Variants in SH3BP5 observed in about 807,000 individuals in gnomAD.
SH3BP5 encodes SH3 domain binding protein 5, also known as SH3 domain-binding protein 5.
A neutral mutation model predicts 43.3 loss-of-function variants in SH3BP5; 22 were observed. The observed-to-expected ratio is 0.51, with a 90% confidence interval of 0.36 to 0.73. The LOEUF (loss-of-function observed/expected upper bound fraction) is 0.73, where lower values mean the gene tolerates loss of function less well. Ranked by LOEUF, SH3BP5 falls within the 30% of genes least tolerant of loss-of-function variation. The probability of loss-of-function intolerance (pLI) is 0.00; values close to 1 mark genes in which losing one functional copy is unlikely to be tolerated. For synonymous variants in SH3BP5, 255 were observed against 225.8 expected (o/e 1.13, Z -1.16); for missense variants, 529 against 586.9 (o/e 0.90, Z 1.02).
Position 15,273,620 on chromosome 3 carries a change from T to C in SH3BP5, c.331-3743A>G, listed in dbSNP as rs193156527. 2.8e-3 allele frequency among the ~76,000 whole-genome samples: 430 copies of C among 152,342 alleles called. 4 individuals are homozygous for C. Among genetic ancestry groups the C allele is most frequent in the African/African-American group, 9.9e-3 (410 of 41,580 alleles). On this transcript the variant is annotated intron_variant, in intron 3 of 8. Transcript: ENST00000383791. ...CCAGATGCCATCTCTCCATAATTCA[T>C]GCACTTACCGGTTCATTCACTCAAG...
chr3:15,284,865 A>T (rs1458346435), intron 3 of SH3BP5, among the ~76,000 whole-genome samples: 2 of 152,232 alleles, frequency 1.3e-5, no homozygotes, highest in Non-Finnish European at 2.9e-5. Flanking sequence ...AGAGAAGGAC[A>T]ACTCAAACCC....
chr3:15,332,479 G>C lies in SH3BP5; in HGVS notation c.-71C>G. On this transcript the variant is annotated 5_prime_UTR_variant, in exon 1 of 9. Transcript: ENST00000383791. ...CGGGGGTCGCGGCTGCCACAGGCTGGGCTGGAGCCGCCTCGCCACAGCCGG... is the reference window on the plus strand; with the variant it reads ...CGGGGGTCGCGGCTGCCACAGGCTGCGCTGGAGCCGCCTCGCCACAGCCGG... 1.5e-6 allele frequency: 2 copies of C among 1,375,046 alleles called. No individual in the cohort carries two copies. The highest frequency in any genetic ancestry group is 1.9e-6 in the Non-Finnish European group (2 of 1,072,784). 85.2% of individuals were successfully genotyped at this position (1,375,046 alleles called of 1,614,324 possible). A position where few individuals can be genotyped will look rare whatever the true frequency, so the allele number is the denominator to read the frequency against.
intron 3 of SH3BP5, among the ~76,000 whole-genome samples, chr3:15,285,213 C>G (rs1043471871): frequency 4.6e-5 from 7 of 152,194 alleles, no homozygotes; most frequent in Non-Finnish European, 1.0e-4. Context: ...AATCGTTATT[C>G]ATGCATTTGC....
chr3:15,265,522 A>T (rs1455456110), intron 4 of SH3BP5, among the ~76,000 whole-genome samples: 4 of 126,806 alleles, frequency 3.2e-5, no homozygotes, highest in African/African-American at 8.1e-5. Context: ...TCACACACAC[A>T]CACACACACA....
intron 3 of SH3BP5, among the ~76,000 whole-genome samples, chr3:15,282,015 C>A (rs1301918727): frequency 6.6e-6 from 1 of 151,818 alleles, no homozygotes; most frequent in African/African-American, 2.4e-5. Context: ...TCCCCTCCCC[C>A]AAAAAAAGCA....
At chr3:15,300,825 G>A (rs151329629) in intron 3 of SH3BP5, among the ~76,000 whole-genome samples, 6 of 152,196 alleles carry the variant, frequency 3.9e-5, no homozygotes, top group African/African-American at 9.6e-5. Flanking sequence ...TTACGGGGAG[G>A]GCTTGCAGGC....
chr3:15,332,194 G>C, intron 1 of SH3BP5, 77 bp downstream of exon 1: 1 of 1,538,084 alleles, frequency 6.5e-7, no homozygotes, highest in Non-Finnish European at 8.7e-7. Flanking sequence ...GGGCTGCGAA[G>C]TGGCTGTACG....
At chr3:15,263,097 A>G (rs779084530) in intron 4 of SH3BP5, among the ~76,000 whole-genome samples, 3 of 152,234 alleles carry the variant, frequency 2.0e-5, no homozygotes, top group African/African-American at 7.2e-5. Flanking sequence ...GTGAGGAAAG[A>G]TTAAATAGCT....
upstream of SH3BP5, chr3:15,333,171 G>A: frequency 1.0e-6 from 1 of 985,392 alleles, no homozygotes; most frequent in South Asian, 4.7e-5. Flanking sequence ...GGCACACTCT[G>A]GCCAAGAATT....
At chr3:15,306,092 C>T (rs1233953860) in intron 2 of SH3BP5, among the ~76,000 whole-genome samples, 1 of 150,392 alleles carries the variant, frequency 6.6e-6, no homozygotes, top group Non-Finnish European at 1.5e-5. Flanking sequence ...CACCATGGCT[C>T]ATGCCTGTAA....
intron 3 of SH3BP5, among the ~76,000 whole-genome samples, chr3:15,288,677 T>C (rs1250372041): frequency 1.3e-5 from 2 of 152,084 alleles, no homozygotes; most frequent in Non-Finnish European, 2.9e-5. Flanking sequence ...GAGGCAGAGG[T>C]TGCAGTGAGC....
chr3:15,322,907 T>C (rs779207941), intron 2 of SH3BP5, among the ~76,000 whole-genome samples: 5 of 151,984 alleles, frequency 3.3e-5, no homozygotes, highest in Non-Finnish European at 7.4e-5. Flanking sequence ...TTTGGGAGGC[T>C]GCAGTAGGCG....
At chr3:15,259,239 C>T (rs2125042810) in intron 6 of SH3BP5, 189 bp from the exon 7 acceptor site, 1 of 610,954 alleles carries the variant, frequency 1.6e-6, no homozygotes, top group East Asian at 2.8e-5. Flanking sequence ...CCACCATCCC[C>T]AGATCCCATC....
At chr3:15,264,661 C>T (rs1001979796) in intron 4 of SH3BP5, among the ~76,000 whole-genome samples, 2 of 152,158 alleles carry the variant, frequency 1.3e-5, no homozygotes, top group Non-Finnish European at 2.9e-5. Flanking sequence ...GCTCACATGA[C>T]TTCTCAACCA....
At chr3:15,293,825 C>T (rs1359950204) in intron 3 of SH3BP5, among the ~76,000 whole-genome samples, 1 of 152,046 alleles carries the variant, frequency 6.6e-6, no homozygotes, top group Non-Finnish European at 1.5e-5. Flanking sequence ...CACCTGTAAT[C>T]CCAGCACTTT....
Position 15,330,582 on chromosome 3 carries a change from G to C in SH3BP5, c.139-16C>G. ...CCAGTTCTCCCTGGTGAAGAAAAGAGGGAGAAAAAAAGACTTAAGGGATCC... is the reference window on the plus strand; with the variant it reads ...CCAGTTCTCCCTGGTGAAGAAAAGACGGAGAAAAAAAGACTTAAGGGATCC... On this transcript the variant is annotated splice_polypyrimidine_tract_variant and intron_variant, in intron 1 of 8. Coordinates refer to ENST00000383791, the MANE Select transcript of SH3BP5 (RefSeq NM_004844.5). 1 of 1,577,312 alleles carries C rather than the reference G, an allele frequency of 6.3e-7. No individual in the cohort carries two copies. The highest frequency in any genetic ancestry group is 8.6e-7 in the Non-Finnish European group (1 of 1,162,236).
chr3:15,262,355 TA>T, intron 4 of SH3BP5, 66 bp from the exon 5 acceptor site: 1 of 1,541,750 alleles, frequency 6.5e-7, no homozygotes, highest in South Asian at 1.2e-5. Context: ...ATATTACTTA[TA>T]TTATTTTTCA....
intron 4 of SH3BP5, chr3:15,264,164 C>A (rs1165451367): frequency 6.6e-6 from 1 of 152,094 alleles, no homozygotes; most frequent in Admixed American, 6.5e-5. Flanking sequence ...TTTATATGGG[C>A]ATTAAAAATT....
In SH3BP5 at chr3:15,256,012, A is replaced by ATGAT. The variant is rs1696180946; in HGVS notation, c.*70_*73dup. ...ACGTGTAAGATTTGGCATATATTAA[A>ATGAT]TGATTATTGGCACAATGTTCTCCAG... On this transcript the variant is annotated 3_prime_UTR_variant, in exon 9 of 9. Transcript: ENST00000383791. 1.6e-6 allele frequency: 2 copies of ATGAT among 1,234,168 alleles called. No individual in the cohort carries two copies. Among genetic ancestry groups the ATGAT allele is most frequent in the Non-Finnish European group, 1.2e-6 (1 of 860,108 alleles). The allele number at this position is 1,234,168 out of a possible 1,614,324, so 76.5% of individuals were successfully genotyped here.
Sources: allele counts gnomAD v4.1 joint callset (sites outside exome capture counted in the v4.1 genomes callset), GRCh38; gene constraint gnomAD v4.1.1; transcripts MANE v1.5; gene names NCBI Gene and HGNC (gene_info 2026-07-23, HGNC 2026-07-21).